Variants in SLC45A1 observed in about 807,000 individuals in gnomAD.
The protein encoded by SLC45A1 is solute carrier family 45 member 1.
SLC45A1 carries 28 observed loss-of-function variants against 57.6 expected under a neutral mutation model. That is an observed-to-expected ratio of 0.49 (90% CI 0.36 to 0.67). The LOEUF (loss-of-function observed/expected upper bound fraction) is 0.67. Among genes scored for constraint, SLC45A1 ranks in the 30% least tolerant of loss-of-function variants. The probability of loss-of-function intolerance (pLI) is 0.00; values close to 1 mark genes in which losing one functional copy is unlikely to be tolerated. For synonymous variants in SLC45A1, 459 were observed against 471.5 expected, an observed-to-expected ratio of 0.97 and a Z score of 0.34; for missense variants, 814 against 1,041.5, an observed-to-expected ratio of 0.78 and a Z score of 3.01.
At chr1:8,332,247 G>A (rs1197852133) in intron 5 of SLC45A1, among the ~76,000 whole-genome samples, 1 of 148,742 alleles carries the variant, frequency 6.7e-6, no homozygotes, top group Non-Finnish European at 1.5e-5. Context: ...TGGGAATCCT[G>A]TGCCAATACA....
intron 1 of SLC45A1, among the ~76,000 whole-genome samples, chr1:8,320,657 G>GTCTCTCTC (rs559573564): frequency 7.3e-6 from 1 of 137,880 alleles, no homozygotes; most frequent in Non-Finnish European, 1.6e-5. Flanking sequence ...CTGTCTGTCT[G>GTCTCTCTC]TCTCTCTCTC....
Position 8,318,892 on chromosome 1 carries a change from T to C in SLC45A1, c.-25+706T>C, listed in dbSNP as rs560007830. On this transcript the variant is annotated intron_variant, in intron 1 of 8. Transcript: ENST00000471889. ...ATGCAAAGTGGGAAACGGCCACGAT[T>C]CAGTAACTAGCCTATTAAGTGCACC... Among the ~76,000 whole-genome samples the C allele has an allele frequency of 3.9e-5, 6 of 152,302 alleles. No individual in the cohort carries two copies. In the South Asian group the frequency reaches 1.2e-3, roughly 32 times the overall value.
At chr1:8,334,886 C>T (rs1469228723) in intron 5 of SLC45A1, among the ~76,000 whole-genome samples, 6 of 152,270 alleles carry the variant, frequency 3.9e-5, no homozygotes, top group South Asian at 4.1e-4. Flanking sequence ...CCCTCGCACC[C>T]GTTTCCATCC....
rs771265164 is a variant in SLC45A1, at chr1:8,339,524, C to A, written c.1806C>A (p.Ser602Arg). Residue 602 changes from serine (S) to arginine (R), a missense_variant, in exon 8 of 9, where the codon AGC becomes AGA. By Grantham distance (110) the Ser-to-Arg change is moderately radical. Transcript: ENST00000471889. ...AILEKLEEFL[S>R]VRTLYFIAYL... ...TGGAGAAGCTGGAGGAGTTCCTCAG[C>A]GTCCGCACCCTCTACTTCATCGCCT... 4 of 1,614,062 alleles carry A rather than the reference C, an allele frequency of 2.5e-6. No homozygotes were observed. Among genetic ancestry groups the A allele is most frequent in the Non-Finnish European group, 2.5e-6 (3 of 1,180,034 alleles).
Position 8,324,352 on chromosome 1 carries a change from C to A in SLC45A1, c.23C>A (p.Thr8Asn). The change falls in exon 2 of 9, where the codon ACC becomes AAC. Residue 8 changes from threonine to asparagine, a missense_variant. Transcript: ENST00000471889. MIPAASS[T>N]PPGDALFPSV... ...ACGATGATCCCCGCAGCCAGCAGCA[C>A]CCCGCCGGGAGATGCCCTCTTCCCC... is the stretch of plus-strand genomic sequence containing the variant. The A allele has an allele frequency of 6.2e-7, 1 of 1,612,740 alleles. No homozygotes were observed.
At chr1:8,334,023 C>T (rs1213520028) in intron 5 of SLC45A1, among the ~76,000 whole-genome samples, 1 of 152,226 alleles carries the variant, frequency 6.6e-6, no homozygotes, top group East Asian at 1.9e-4. Flanking sequence ...GCACCGTCAG[C>T]CTCATTGTGG....
At position 8,325,571 on chromosome 1, in the gene SLC45A1, G is replaced by T. The variant is rs1385629027; in HGVS notation, c.490+181G>T. ...CCTCAGTTAACTGTGAGAATAGATC[G>T]CTTTGATCATTTTTAAAAATTGAGT... On this transcript the variant is annotated intron_variant, in intron 3 of 8. Coordinates refer to ENST00000471889, the MANE Select transcript of SLC45A1 (RefSeq NM_001080397.3). This position sits in a 1 kb window ranked among gnomAD's most constrained non-coding sequence, Gnocchi z 6.3. Among the ~76,000 whole-genome samples the T allele has an allele frequency of 6.6e-6, 1 of 152,128 alleles. No individual in the cohort carries two copies. Among genetic ancestry groups the T allele is most frequent in the African/African-American group, 2.4e-5 (1 of 41,412 alleles).
Position 8,328,834 on chromosome 1 carries a change from C to T in SLC45A1, c.716-1375C>T, listed in dbSNP as rs1453946390. The stretch of plus-strand genomic sequence containing the variant: ...AGCCTGGGCAATAAGAGTGAAACTC[C>T]GTCTCAAAGAAAAATAATAAATAAA... On this transcript the variant is annotated intron_variant, in intron 4 of 8. Transcript: ENST00000471889. The surrounding 1 kb of genome is among the most constrained non-coding windows in gnomAD (Gnocchi z 4.6). Among the ~76,000 whole-genome samples the T allele has an allele frequency of 6.6e-5, 10 of 152,006 alleles. No individual in the cohort carries two copies. Among genetic ancestry groups the T allele is most frequent in the South Asian group, 2.1e-4 (1 of 4,822 alleles).
chr1:8,342,823 C>CGGG (rs57990721), intron 8 of SLC45A1, among the ~76,000 whole-genome samples: 60,085 of 150,218 alleles, frequency 0.4, 12,891 homozygotes, highest in South Asian at 0.53. Flanking sequence ...CACTTGAGCC[C>CGGG]AGGAGGCTGA....
In SLC45A1 at chr1:8,326,403, C is replaced by T. The variant is rs1315707152; in HGVS notation, c.715+361C>T. 3.9e-5 allele frequency among the ~76,000 whole-genome samples: 6 copies of T among 152,166 alleles called. No individual in the cohort carries two copies. The highest frequency in any genetic ancestry group is 7.3e-5 in the Non-Finnish European group (5 of 68,030). On this transcript the variant is annotated intron_variant, in intron 4 of 8. Coordinates refer to ENST00000471889, the MANE Select transcript of SLC45A1 (RefSeq NM_001080397.3). This position sits in a 1 kb window ranked among gnomAD's most constrained non-coding sequence, Gnocchi z 5.5. ...GGTTCCTGTGAGCCTCCAGTCACAA[C>T]GTTTTCATCAACGGATCAACACATA...
Position 8,335,414 on chromosome 1 carries a change from A to T in SLC45A1, c.1444-23A>T. 6.4e-7 allele frequency: 1 copy of T among 1,567,674 alleles called. No individual in the cohort carries two copies. The highest frequency in any genetic ancestry group is 8.6e-7 in the Non-Finnish European group (1 of 1,162,644). On this transcript the variant is annotated intron_variant, in intron 5 of 8. Coordinates refer to ENST00000471889, the MANE Select transcript of SLC45A1 (RefSeq NM_001080397.3). The surrounding 1 kb of genome is among the most constrained non-coding windows in gnomAD (Gnocchi z 4.1). ...GTGATGGGGGTGCGGGGCTCTGATG[A>T]GGGGTTTGTGGGCTCTTCCCAGGTG...
chr1:8,339,375 T>G (rs1640728856), intron 7 of SLC45A1, 118 bp from the exon 8 acceptor site: 1 of 960,830 alleles, frequency 1.0e-6, no homozygotes, highest in Non-Finnish European at 1.6e-6. Flanking sequence ...GCAAGTGACC[T>G]GCCAAGCCGG....
Position 8,325,442 on chromosome 1 carries a change from A to C in SLC45A1, c.490+52A>C. 1 of 1,312,840 alleles carries C rather than the reference A, an allele frequency of 7.6e-7. No individual in the cohort carries two copies. The highest frequency in any genetic ancestry group is 1.1e-6 in the Non-Finnish European group (1 of 921,424). 81.3% of individuals were successfully genotyped at this position (1,312,840 alleles called of 1,614,324 possible). On this transcript the variant is annotated intron_variant, in intron 3 of 8. Transcript: ENST00000471889. The surrounding 1 kb of genome is among the most constrained non-coding windows in gnomAD (Gnocchi z 6.3). Reference sequence around the variant, plus strand: ...ATGGAGAGGAAAAAAAAAAGGCCCCAACTGCTTCCTTTTAGGAAAATTTTA... The same window carrying C: ...ATGGAGAGGAAAAAAAAAAGGCCCCCACTGCTTCCTTTTAGGAAAATTTTA...
At chr1:8,324,902 T>C (rs1640150193) in intron 2 of SLC45A1, among the ~76,000 whole-genome samples, 176 bp downstream of exon 2, 1 of 152,122 alleles carries the variant, frequency 6.6e-6, no homozygotes, top group South Asian at 2.1e-4. Context: ...TTTAAGTTCC[T>C]TATCGAAAGC....
intron 8 of SLC45A1, among the ~76,000 whole-genome samples, chr1:8,342,898 C>T (rs1408565477): frequency 7.5e-6 from 1 of 132,920 alleles, no homozygotes; most frequent in Admixed American, 7.6e-5. Context: ...GACCCTGTCT[C>T]AAAAAAAAAA....
chr1:8,341,622 G>A (rs1184058864), intron 8 of SLC45A1, among the ~76,000 whole-genome samples: 2 of 148,706 alleles, frequency 1.3e-5, no homozygotes, highest in Non-Finnish European at 3.0e-5. Context: ...TGAGGCAAAA[G>A]GAAAAATGGC....
chr1:8,328,059 T>C lies in SLC45A1; in HGVS notation c.715+2017T>C, dbSNP rs528896435. ...ATAAATAAATTAAAATAAAATAAAA[T>C]AGCAATTGGCTGGGCCGAAGGTAGT... On this transcript the variant is annotated intron_variant, in intron 4 of 8. Transcript: ENST00000471889. The surrounding 1 kb of genome is among the most constrained non-coding windows in gnomAD (Gnocchi z 4.6). 3.3e-5 allele frequency: 5 copies of C among 152,200 alleles called. No individual in the cohort carries two copies. The East Asian group carries it at 7.7e-4, about 24-fold the overall frequency. The allele number at this position is 152,200 out of a possible 1,614,324, so 9.4% of individuals were successfully genotyped here. A position where few individuals can be genotyped will look rare whatever the true frequency, so the allele number is the denominator to read the frequency against.
At chr1:8,318,942 C>T (rs1306768064) in intron 1 of SLC45A1, among the ~76,000 whole-genome samples, 1 of 152,218 alleles carries the variant, frequency 6.6e-6, no homozygotes, top group East Asian at 1.9e-4. Context: ...GAGCACCTTC[C>T]TGGTCCTGGA....
Position 8,328,936 on chromosome 1 carries a change from A to G in SLC45A1, c.716-1273A>G, listed in dbSNP as rs1370740354. 4.6e-5 allele frequency among the ~76,000 whole-genome samples: 7 copies of G among 152,162 alleles called. No homozygotes were observed. On this transcript the variant is annotated intron_variant, in intron 4 of 8. Transcript: ENST00000471889. This position sits in a 1 kb window ranked among gnomAD's most constrained non-coding sequence, Gnocchi z 4.6. The stretch of plus-strand genomic sequence containing the variant: ...GGTGTCTTTCAGGAGGGGAGGAGGG[A>G]AGGCAATTAGAATCATGAGTGTGGG...
Sources: allele counts gnomAD v4.1 joint callset (sites outside exome capture counted in the v4.1 genomes callset), GRCh38; gene constraint gnomAD v4.1.1; non-coding constraint Gnocchi (gnomAD v3.1); transcripts MANE v1.5; gene names NCBI Gene and HGNC (gene_info 2026-07-23, HGNC 2026-07-21).